CLCNKB: variants seen among roughly 807,000 people sequenced by gnomAD.
CLCNKB encodes the protein chloride voltage-gated channel Kb.
CLCNKB carries 74 observed loss-of-function variants against 83.8 expected under a neutral mutation model. That is an observed-to-expected ratio of 0.88 (90% CI 0.73 to 1.07). CLCNKB has a LOEUF of 1.07. CLCNKB is among the 50% of genes least tolerant of loss of function. CLCNKB has a pLI of 0.00. For missense variants in CLCNKB, 798 were observed against 893.6 expected (o/e 0.89, Z 1.36); for synonymous variants, 358 against 356.6 (o/e 1.00, Z -0.04).
chr1:16,055,668 C>T lies in CLCNKB; in HGVS notation c.1846-7C>T, dbSNP rs1229094288. 9 of 1,613,554 alleles carry T rather than the reference C, an allele frequency of 5.6e-6. No individual in the cohort carries two copies. The highest frequency in any genetic ancestry group is 2.2e-5 in the East Asian group (1 of 44,886). On this transcript the variant is annotated splice_region_variant and splice_polypyrimidine_tract_variant and intron_variant, in intron 17 of 19. Transcript: ENST00000375679. ...GCCCTGCACCTGTAACCCTTCCCCACCCCCAGCAGTGTCTCCAGGACATCT... is the reference window on the plus strand; with the variant it reads ...GCCCTGCACCTGTAACCCTTCCCCATCCCCAGCAGTGTCTCCAGGACATCT...
At position 16,046,651 on chromosome 1, in the gene CLCNKB, C is replaced by A. The variant is rs1220490590; in HGVS notation, c.346C>A (p.Pro116Thr). 3 of 1,614,058 alleles carry A rather than the reference C, an allele frequency of 1.9e-6. No individual in the cohort carries two copies. Among genetic ancestry groups the A allele is most frequent in the African/African-American group, 2.7e-5 (2 of 75,024 alleles). ...FSSGFSQSITPSSGGSGIPEV... is the reference protein window; with the variant it reads ...FSSGFSQSITTSSGGSGIPEV... Reference sequence around the variant, plus strand: ...TTCAGGCTTCTCTCAGAGCATCACACCCTCCTCTGGAGGTGAGTCCACAGT... The same window carrying A: ...TTCAGGCTTCTCTCAGAGCATCACAACCTCCTCTGGAGGTGAGTCCACAGT... Residue 116 changes from proline (P) to threonine (T), a missense_variant, in exon 4 of 20, where the codon CCC becomes ACC. Physicochemically the swap from Pro to Thr is conservative, Grantham distance 38. Coordinates refer to ENST00000375679, the MANE Select transcript of CLCNKB (RefSeq NM_000085.5).
chr1:16,044,356 T>TACACACACACACACACACACACAC (rs1553127093), intron 1 of CLCNKB, 130 bp from the exon 2 acceptor site: 19 of 375,310 alleles, frequency 5.1e-5, no homozygotes, highest in African/African-American at 3.6e-4. Context: ...TAACTTCACA[T>TACACACACACACACACACACACAC]ACACACACAC....
At chr1:16,051,215 G>GC (rs1487095479) in intron 12 of CLCNKB, among the ~76,000 whole-genome samples, 167 bp downstream of exon 12, 1 of 152,124 alleles carries the variant, frequency 6.6e-6, no homozygotes, top group Non-Finnish European at 1.5e-5. Context: ...AGCTCTCTGG[G>GC]CCTCAGTCTT....
chr1:16,056,363 G>T, intron 18 of CLCNKB, 59 bp from the exon 19 acceptor site: 1 of 1,537,064 alleles, frequency 6.5e-7, no homozygotes, highest in Non-Finnish European at 9.0e-7. Flanking sequence ...GGTGGAGTGG[G>T]CTAGAGGGTG....
chr1:16,047,557 T>C (rs945402), intron 4 of CLCNKB, among the ~76,000 whole-genome samples: 127,007 of 152,080 alleles, frequency 0.84, 55,179 homozygotes, highest in East Asian at 1. Flanking sequence ...GGACAGATCG[T>C]TTGAGGTCAG....
intron 3 of CLCNKB, among the ~76,000 whole-genome samples, chr1:16,046,035 C>T (rs904518463): frequency 1.8e-4 from 27 of 152,350 alleles, no homozygotes; most frequent in African/African-American, 6.5e-4. Context: ...CTTGGTGCTT[C>T]CTCCCCATCC....
chr1:16,044,167 G>T (rs564234347), intron 1 of CLCNKB, among the ~76,000 whole-genome samples: 1 of 152,000 alleles, frequency 6.6e-6, no homozygotes, highest in Non-Finnish European at 1.5e-5. Context: ...GGTGGGAGCG[G>T]CTGCCACCGA....
chr1:16,056,731 G>T (rs1435838093), intron 19 of CLCNKB, 138 bp from the exon 20 acceptor site: 1 of 945,944 alleles, frequency 1.1e-6, no homozygotes, highest in East Asian at 2.6e-5. Flanking sequence ...CGGCCTCAGT[G>T]ATCCCATCTG....
rs2863437 is a variant in CLCNKB at position 16,044,169 on chromosome 1, T to G, written c.-8+289T>G. Among the ~76,000 whole-genome samples, 125,874 of 151,800 alleles carry G rather than the reference T, an allele frequency of 0.83. 54,487 individuals carry two copies. Among genetic ancestry groups the G allele is most frequent in the East Asian group, 1 (5,145 of 5,148 alleles). On this transcript the variant is annotated intron_variant, in intron 1 of 19. Coordinates refer to ENST00000375679, the MANE Select transcript of CLCNKB (RefSeq NM_000085.5). ...AGTGACCCAGGAGGGTGGGAGCGGC[T>G]GCCACCGAAGGGGAAGGGGCTCTGA...
At chr1:16,054,435 T>C (rs1449926830) in intron 16 of CLCNKB, among the ~76,000 whole-genome samples, 1 of 152,152 alleles carries the variant, frequency 6.6e-6, no homozygotes, top group Non-Finnish European at 1.5e-5. Flanking sequence ...TGTACAACCA[T>C]ATGGGTCACC....
rs769345329 is a variant in CLCNKB, at chr1:16,052,186, C to T, written c.1409-12C>T. 34 of 1,612,648 alleles carry T rather than the reference C, an allele frequency of 2.1e-5. No homozygotes were observed. The South Asian group carries it at 3.7e-4, about 18-fold the overall frequency. Reference sequence around the variant, plus strand: ...CTGGCCTGAGCTGCCCTGCCTGACTCTGCCCTTGCAGGGGCTGCAGCCTTC... The same window carrying T: ...CTGGCCTGAGCTGCCCTGCCTGACTTTGCCCTTGCAGGGGCTGCAGCCTTC... On this transcript the variant is annotated splice_polypyrimidine_tract_variant and intron_variant, in intron 14 of 19. Transcript: ENST00000375679.
chr1:16,055,587 G>T, intron 17 of CLCNKB, 64 bp downstream of exon 17: 2 of 1,566,378 alleles, frequency 1.3e-6, no homozygotes, highest in Non-Finnish European at 1.8e-6. Flanking sequence ...GGAGGAGAGG[G>T]GCCCGCTGAT....
chr1:16,049,661 TC>T lies in CLCNKB; in HGVS notation c.828del (p.Phe277SerfsTer72), dbSNP rs1356282420. ...ACAAGACCAGTTTCCGGGTGGACGTTCCCTTCGACCTGCCTGAGATCTTCTT... is the reference window on the plus strand; with the variant it reads ...ACAAGACCAGTTTCCGGGTGGACGTTCCTTCGACCTGCCTGAGATCTTCTT... ...LYKTSFRVDV[P>X]FDLPEIFFFV... On this transcript the variant is annotated frameshift_variant, in exon 9 of 20. Coordinates refer to ENST00000375679, the MANE Select transcript of CLCNKB (RefSeq NM_000085.5). LOFTEE classifies it high-confidence loss of function. 1 of 1,610,356 alleles carries T rather than the reference TC, an allele frequency of 6.2e-7. No homozygotes were observed. The highest frequency in any genetic ancestry group is 8.5e-7 in the Non-Finnish European group (1 of 1,178,264).
intron 4 of CLCNKB, among the ~76,000 whole-genome samples, chr1:16,046,954 C>A (rs927861742): frequency 2.6e-5 from 4 of 152,188 alleles, no homozygotes; most frequent in Non-Finnish European, 5.9e-5. Context: ...AGGCACAGCT[C>A]CCCCAGGCCG....
At chr1:16,044,804 C>T (rs1292823968) in intron 2 of CLCNKB, among the ~76,000 whole-genome samples, 1 of 152,236 alleles carries the variant, frequency 6.6e-6, no homozygotes, top group Non-Finnish European at 1.5e-5. Flanking sequence ...TGCCCTCTGC[C>T]TTTCGGGAGA....
chr1:16,044,597 G>C lies in CLCNKB; in HGVS notation c.100+5G>C, dbSNP rs1282735239. On this transcript the variant is annotated splice_donor_5th_base_variant and intron_variant, in intron 2 of 19. Transcript: ENST00000375679. ...GCATCCGCCGAGGCATCCGAGGTGAGAGCCAGGTCCTCTTCCCTTCCCCCT... is the reference window on the plus strand; with the variant it reads ...GCATCCGCCGAGGCATCCGAGGTGACAGCCAGGTCCTCTTCCCTTCCCCCT... 9.4e-6 allele frequency: 15 copies of C among 1,593,014 alleles called. No individual in the cohort carries two copies. Among genetic ancestry groups the C allele is most frequent in the East Asian group, 2.3e-5 (1 of 44,134 alleles).
chr1:16,048,757 A>C (rs575166643), intron 7 of CLCNKB, 175 bp downstream of exon 7: 1 of 1,473,158 alleles, frequency 6.8e-7, no homozygotes, highest in African/African-American at 1.4e-5. Flanking sequence ...GGGGCGGGTG[A>C]CTTGATTGGC....
chr1:16,051,647 A>C, intron 13 of CLCNKB, 63 bp from the exon 14 acceptor site: 1 of 1,603,434 alleles, frequency 6.2e-7, no homozygotes, highest in Admixed American at 1.7e-5. Context: ...GACGGTCCTC[A>C]GGGATGGAGG....
rs1299248952 is a variant in CLCNKB, at chr1:16,052,220, T to C, written c.1431T>C (p.Ala477=). The C allele has an allele frequency of 6.2e-7, 1 of 1,613,156 alleles. No homozygotes were observed. The highest frequency in any genetic ancestry group is 8.5e-7 in the Non-Finnish European group (1 of 1,179,990). ...CAGGGGCTGCAGCCTTCTCAGGGGC[T>C]GTGACCCACACCATCTCCACGGCGC... The part of the protein sequence containing the change: ...ALAGAAAFSG[A]VTHTISTALL... The change falls in exon 15 of 20, where the codon GCT becomes GCC. Residue 477 remains alanine (A), a synonymous_variant. Coordinates refer to ENST00000375679, the MANE Select transcript of CLCNKB (RefSeq NM_000085.5).
Sources: allele counts gnomAD v4.1 joint callset (sites outside exome capture counted in the v4.1 genomes callset), GRCh38; gene constraint gnomAD v4.1.1; transcripts MANE v1.5; gene names NCBI Gene and HGNC (gene_info 2026-07-23, HGNC 2026-07-21).